The following ANGPT1 variants were observed in gnomAD, a reference collection of about 807,000 sequenced individuals.
ANGPT1 encodes angiopoietin 1, also known as angiopoietin-1.
Under a neutral mutation model 62.2 loss-of-function variants are expected in ANGPT1, and 17 were observed. The observed-to-expected ratio is 0.27, with a 90% CI of 0.19 to 0.41. The LOEUF is 0.41. Ranked by LOEUF, ANGPT1 falls within the 10% of genes least tolerant of loss-of-function variation. ANGPT1 has a pLI of 1.00. For missense variants in ANGPT1, 478 were observed against 594.9 expected (o/e 0.80, Z 2.04); for synonymous variants, 199 against 198.9 (o/e 1.00, Z 0.00).
At chr8:107,270,650 G>C (rs1813714067) in intron 7 of ANGPT1, among the ~76,000 whole-genome samples, 1 of 151,940 alleles carries the variant, frequency 6.6e-6, no homozygotes, top group Non-Finnish European at 1.5e-5. Flanking sequence ...ACATCCTGGA[G>C]ATATATTCTA....
At chr8:107,358,741 A>T (rs1020410526) in intron 1 of ANGPT1, among the ~76,000 whole-genome samples, 1 of 152,214 alleles carries the variant, frequency 6.6e-6, no homozygotes, top group Non-Finnish European at 1.5e-5. Flanking sequence ...GATACTTTAT[A>T]TATTCATTAA....
chr8:107,405,853 T>C (rs1051439516), intron 1 of ANGPT1, among the ~76,000 whole-genome samples: 3 of 151,932 alleles, frequency 2.0e-5, no homozygotes, highest in Admixed American at 6.6e-5. Context: ...TAAATATCCT[T>C]GTAAGTAAAA....
At chr8:107,353,551 C>T (rs979166953) in intron 1 of ANGPT1, among the ~76,000 whole-genome samples, 5 of 152,176 alleles carry the variant, frequency 3.3e-5, no homozygotes, top group African/African-American at 1.2e-4. Context: ...TCTGTTCTTG[C>T]TTCCTACCAT....
intron 4 of ANGPT1, among the ~76,000 whole-genome samples, chr8:107,311,023 G>C (rs1814847735): frequency 6.6e-6 from 1 of 151,012 alleles, no homozygotes; most frequent in East Asian, 1.9e-4. Flanking sequence ...GTATGTGAGT[G>C]TGTGTGAGTG....
intron 1 of ANGPT1, among the ~76,000 whole-genome samples, chr8:107,483,600 G>A (rs1264933574): frequency 4.0e-5 from 6 of 151,014 alleles, no homozygotes; most frequent in Admixed American, 2.0e-4. Flanking sequence ...AACATATATG[G>A]CATAAGGTCT....
chr8:107,315,377 C>T (rs140771726), intron 4 of ANGPT1, among the ~76,000 whole-genome samples: 1 of 152,212 alleles, frequency 6.6e-6, no homozygotes, highest in East Asian at 1.9e-4. Context: ...AAGTTGTTAT[C>T]TGTCCTTTCA....
At chr8:107,361,943 C>T (rs1468554895) in intron 1 of ANGPT1, among the ~76,000 whole-genome samples, 3 of 152,212 alleles carry the variant, frequency 2.0e-5, no homozygotes, top group South Asian at 2.1e-4. Context: ...CCTGTAATCA[C>T]AGCTACTCAG....
intron 6 of ANGPT1, among the ~76,000 whole-genome samples, chr8:107,293,499 A>G (rs1814333775): frequency 6.6e-6 from 1 of 152,196 alleles, no homozygotes; most frequent in South Asian, 2.1e-4. Context: ...GCTTAGCCAC[A>G]TGGAAAGGTC....
chr8:107,314,175 A>G (rs983497038), intron 4 of ANGPT1, among the ~76,000 whole-genome samples: 3 of 152,236 alleles, frequency 2.0e-5, no homozygotes, highest in Non-Finnish European at 4.4e-5. Flanking sequence ...CAACCAGGCT[A>G]TGAAAGCATA....
chr8:107,481,117 T>C (rs1367059935), intron 1 of ANGPT1, among the ~76,000 whole-genome samples: 1 of 152,172 alleles, frequency 6.6e-6, no homozygotes, highest in East Asian at 1.9e-4. Context: ...ACCACAATGC[T>C]CGTGCTAATT....
At chr8:107,322,941 C>G (rs1815190467) in intron 3 of ANGPT1, among the ~76,000 whole-genome samples, 1 of 152,046 alleles carries the variant, frequency 6.6e-6, no homozygotes, top group Non-Finnish European at 1.5e-5. Context: ...GTATCATAAC[C>G]ACTAGCTTCC....
intron 5 of ANGPT1, among the ~76,000 whole-genome samples, chr8:107,299,461 G>A (rs1814507767): frequency 7.8e-6 from 1 of 127,620 alleles, no homozygotes; most frequent in Non-Finnish European, 1.7e-5. Context: ...TATACACTAA[G>A]CATATATATA....
chr8:107,311,857 G>A (rs1001884708), intron 4 of ANGPT1, among the ~76,000 whole-genome samples: 2 of 152,158 alleles, frequency 1.3e-5, no homozygotes, highest in Non-Finnish European at 1.5e-5. Context: ...AAGGTCAGGA[G>A]ATGGAGACCA....
In ANGPT1 at chr8:107,302,897, T is replaced by C. The variant is rs566363864; in HGVS notation, c.936+343A>G. On this transcript the variant is annotated intron_variant, in intron 5 of 8. Coordinates refer to ENST00000517746, the MANE Select transcript of ANGPT1 (RefSeq NM_001146.5). Reference sequence around the variant, plus strand: ...GGATAATGTGTGTTCTCTGGATTGTTGGGTCTTTGGAAGATGGCTTCTCTT... The same window carrying C: ...GGATAATGTGTGTTCTCTGGATTGTCGGGTCTTTGGAAGATGGCTTCTCTT... Among the ~76,000 whole-genome samples, 3 of 152,028 alleles carry C rather than the reference T, an allele frequency of 2.0e-5. No individual in the cohort carries two copies. In the South Asian group the frequency reaches 6.2e-4, roughly 32 times the overall value.
chr8:107,466,278 T>C (rs1294028234), intron 1 of ANGPT1, among the ~76,000 whole-genome samples: 1 of 152,114 alleles, frequency 6.6e-6, no homozygotes, highest in African/African-American at 2.4e-5. Flanking sequence ...CAGAGCCCCC[T>C]TTCTATCTCA....
Position 107,251,696 on chromosome 8 carries a change from C to T in ANGPT1, c.*159G>A. On this transcript the variant is annotated 3_prime_UTR_variant, in exon 9 of 9. Transcript: ENST00000517746. ...AGACTCTTGTGAACTCAAACGGCTC[C>T]AGATTCACGGTCAAGAACCTTGGTG... 1 of 911,580 alleles carries T rather than the reference C, an allele frequency of 1.1e-6. No individual in the cohort carries two copies. Among genetic ancestry groups the T allele is most frequent in the South Asian group, 1.8e-5 (1 of 54,670 alleles). The allele number at this position is 911,580 out of a possible 1,614,324, so 56.5% of individuals were successfully genotyped here.
chr8:107,281,461 C>CA (rs1814001471), intron 7 of ANGPT1, among the ~76,000 whole-genome samples: 1 of 152,014 alleles, frequency 6.6e-6, no homozygotes, highest in African/African-American at 2.4e-5. Flanking sequence ...GTCAACTGAC[C>CA]AAAACCTCAG....
In ANGPT1 at chr8:107,357,178, A is replaced by ACTT. The variant is rs577219328; in HGVS notation, c.298-10084_298-10082dup. On this transcript the variant is annotated intron_variant, in intron 1 of 8. Coordinates refer to ENST00000517746, the MANE Select transcript of ANGPT1 (RefSeq NM_001146.5). Reference sequence around the variant, plus strand: ...GGTGTATTTGATGTAAAATTTAATCACTTCAGAAAATGCCCATTAATCTGT... The same window carrying ACTT: ...GGTGTATTTGATGTAAAATTTAATCACTTCTTCAGAAAATGCCCATTAATCTGT... 1.5e-4 allele frequency among the ~76,000 whole-genome samples: 23 copies of ACTT among 152,300 alleles called. No homozygotes were observed. In the East Asian group the frequency reaches 4.1e-3, roughly 27 times the overall value.
intron 4 of ANGPT1, among the ~76,000 whole-genome samples, chr8:107,313,748 G>A (rs1158190719): frequency 1.3e-5 from 2 of 151,690 alleles, no homozygotes; most frequent in Non-Finnish European, 2.9e-5. Context: ...TGGCCAAAAT[G>A]TTACTAGTTT....
Sources: gnomAD v4.1 joint callset for allele counts (sites outside exome capture counted in the v4.1 genomes callset) on GRCh38, gnomAD v4.1.1 for gene constraint, MANE v1.5 for transcripts, NCBI Gene and HGNC (gene_info 2026-07-23, HGNC 2026-07-21) for gene names.